The following MYO10 variants were observed in gnomAD, a reference collection of about 807,000 sequenced individuals.
MYO10 encodes unconventional myosin-X.
Under a neutral mutation model 257.3 loss-of-function variants are expected in MYO10, and 133 were observed. That is an observed-to-expected ratio of 0.52 (90% confidence interval 0.45 to 0.60). The LOEUF (loss-of-function observed/expected upper bound fraction) is 0.60, where lower values mean the gene tolerates loss of function less well. Ranked by LOEUF, MYO10 falls within the 20% of genes least tolerant of loss-of-function variation. MYO10 has a pLI of 0.00. For synonymous variants in MYO10, 1,104 were observed against 1,028.6 expected, an observed-to-expected ratio of 1.07 and a Z score of -1.40; for missense variants, 2,399 against 2,635.7, an observed-to-expected ratio of 0.91 and a Z score of 1.97.
chr5:16,690,359 C>T (rs947244507), intron 27 of MYO10, among the ~76,000 whole-genome samples: 5 of 152,048 alleles, frequency 3.3e-5, no homozygotes, highest in African/African-American at 4.8e-5. Flanking sequence ...TTCTGGAACC[C>T]GTCACCAAAA....
chr5:16,881,106 AC>A (rs546703993), intron 1 of MYO10, among the ~76,000 whole-genome samples: 312 of 152,194 alleles, frequency 2.1e-3, no homozygotes, highest in Non-Finnish European at 3.5e-3. Flanking sequence ...CCAACCCAGA[AC>A]CCCTAGTCCA....
chr5:16,747,763 C>T (rs1740239938), intron 19 of MYO10, among the ~76,000 whole-genome samples: 1 of 151,280 alleles, frequency 6.6e-6, no homozygotes, highest in Non-Finnish European at 1.5e-5. Flanking sequence ...ACTAAAAATA[C>T]AAAAAATTAG....
chr5:16,682,046 C>T lies in MYO10; in HGVS notation c.4047-33G>A, dbSNP rs745651418. On this transcript the variant is annotated intron_variant, in intron 30 of 40. Coordinates refer to ENST00000513610, the MANE Select transcript of MYO10 (RefSeq NM_012334.3). ...ACAAGATGAGAAGGAAACAAAGCCC[C>T]TTAGCCCTACCGTCAGCATCACCTC... The T allele has an allele frequency of 6.2e-6, 10 of 1,604,318 alleles. No individual in the cohort carries two copies. The East Asian group carries it at 2.0e-4, about 32-fold the overall frequency.
At chr5:16,891,329 AAGGAAGGAAGGAAGGAAG>A in intron 1 of MYO10, among the ~76,000 whole-genome samples, 1 of 31,426 alleles carries the variant, frequency 3.2e-5, no homozygotes, top group African/African-American at 1.7e-4. Flanking sequence ...AAAAGGAAGG[AAGGAAGGAAGGAAGGAAG>A]GAAGGAAGGA....
At position 16,836,878 on chromosome 5, in the gene MYO10, C is replaced by T. The variant is rs56754753; in HGVS notation, c.121-18711G>A. On this transcript the variant is annotated intron_variant, in intron 2 of 40. Transcript: ENST00000513610. ...AGAAAAATAAAAACGTATGTCCACA[C>T]GAAAAGGTTACCATGAATGTTCGTA... 8.5e-3 allele frequency among the ~76,000 whole-genome samples: 1,289 copies of T among 152,154 alleles called. 16 individuals are homozygous for T. Among genetic ancestry groups the T allele is most frequent in the African/African-American group, 0.026 (1,081 of 41,512 alleles).
chr5:16,687,682 C>T (rs1737313483), intron 28 of MYO10, among the ~76,000 whole-genome samples: 1 of 151,934 alleles, frequency 6.6e-6, no homozygotes, highest in Non-Finnish European at 1.5e-5. Flanking sequence ...AAAAATGTGA[C>T]TACAAGCTTG....
At chr5:16,679,893 G>A (rs1736907235) in intron 33 of MYO10, 54 bp downstream of exon 33, 3 of 1,582,792 alleles carry the variant, frequency 1.9e-6, no homozygotes, top group Non-Finnish European at 2.6e-6. Flanking sequence ...GGTGCTCTAA[G>A]GGTAGAATCT....
chr5:16,817,714 A>G (rs2126704138), intron 3 of MYO10, among the ~76,000 whole-genome samples: 1 of 152,328 alleles, frequency 6.6e-6, no homozygotes, highest in East Asian at 1.9e-4. Context: ...TTTCCGTGGC[A>G]GAACACTTAG....
At chr5:16,689,954 G>A in intron 27 of MYO10, 35 bp from the exon 28 acceptor site, 1 of 1,458,214 alleles carries the variant, frequency 6.9e-7, no homozygotes, top group Non-Finnish European at 9.6e-7. Flanking sequence ...CGCACATCAG[G>A]AACACCAAAT....
intron 27 of MYO10, among the ~76,000 whole-genome samples, chr5:16,690,344 G>A (rs956478958): frequency 6.6e-6 from 1 of 152,152 alleles, no homozygotes. Context: ...GGAGTGGGGT[G>A]GTGGTTCTGG....
In MYO10 at chr5:16,768,705, C is replaced by T. The variant is rs1740955675; in HGVS notation, c.1060+369G>A. Among the ~76,000 whole-genome samples, 3 of 112,784 alleles carry T rather than the reference C, an allele frequency of 2.7e-5. No homozygotes were observed. The Admixed American group carries it at 3.6e-4, about 13-fold the overall frequency. The allele number at this position is 112,784 out of a possible 152,430, so 74.0% of individuals were successfully genotyped here. A position where few individuals can be genotyped will look rare whatever the true frequency, so the allele number is the denominator to read the frequency against. On this transcript the variant is annotated intron_variant, in intron 10 of 40. Coordinates refer to ENST00000513610, the MANE Select transcript of MYO10 (RefSeq NM_012334.3). ...TTTTTTTTTTGGTGATACAAGATCT[C>T]ACTCTGTTGCCCAGACTGGAGTGCA... is the stretch of plus-strand genomic sequence containing the variant.
At chr5:16,880,190 A>G (rs896670407) in intron 1 of MYO10, among the ~76,000 whole-genome samples, 2 of 152,028 alleles carry the variant, frequency 1.3e-5, no homozygotes, top group Non-Finnish European at 2.9e-5. Context: ...AAAAATAAAT[A>G]AATAAGTAAA....
chr5:16,697,271 G>GA (rs551784592), intron 26 of MYO10, among the ~76,000 whole-genome samples: 189 of 151,934 alleles, frequency 1.2e-3, no homozygotes, highest in African/African-American at 4.1e-3. Context: ...AGCAAAAAAG[G>GA]AATCCAGCAA....
In MYO10 at chr5:16,670,888, C is replaced by A; in HGVS notation, c.5521G>T (p.Asp1841Tyr). 2 of 1,613,886 alleles carry A rather than the reference C, an allele frequency of 1.2e-6. No homozygotes were observed. Among genetic ancestry groups the A allele is most frequent in the Non-Finnish European group, 1.7e-6 (2 of 1,179,840 alleles). The change falls in exon 39 of 41, where the codon GAT (aspartate) becomes TAT (tyrosine). Residue 1841 changes from aspartate to tyrosine, a missense_variant. Physicochemically the swap from Asp to Tyr is radical, Grantham distance 160. This residue lies in a region of MYO10 where 1,820 missense variants were observed against 1,939.4 expected (regional missense o/e 0.94). Transcript: ENST00000513610. ...GGGATGGCAGCGTGCAGAGTATAAT[C>A]CCCCTGCAGATACTGGAGTCGCAGG... ...AALRLQYLQGDYTLHAAIPPL... is the reference protein window; with the variant it reads ...AALRLQYLQGYYTLHAAIPPL...
intron 2 of MYO10, among the ~76,000 whole-genome samples, chr5:16,818,410 G>GTGTGTGTGTGTATATATATATATA (rs1553999544): frequency 1.1e-5 from 1 of 90,302 alleles, no homozygotes; most frequent in Non-Finnish European, 2.3e-5. Flanking sequence ...GTGTGTGTGT[G>GTGTGTGTGTGTATATATATATATA]TATATATATA....
chr5:16,766,875 T>G (rs1740887233), intron 10 of MYO10, among the ~76,000 whole-genome samples: 1 of 151,032 alleles, frequency 6.6e-6, no homozygotes, highest in Non-Finnish European at 1.5e-5. Context: ...GTTCAGATGA[T>G]TCTCCTGCCT....
intron 1 of MYO10, among the ~76,000 whole-genome samples, chr5:16,900,865 G>C (rs546000834): frequency 1.3e-5 from 2 of 150,566 alleles, no homozygotes; most frequent in African/African-American, 4.9e-5. Context: ...TCAGCCTCCC[G>C]AGTAGCTGGG....
intron 26 of MYO10, among the ~76,000 whole-genome samples, chr5:16,695,104 C>T (rs901547123): frequency 7.2e-5 from 11 of 152,192 alleles, no homozygotes; most frequent in South Asian, 4.1e-4. Flanking sequence ...GAGGCCGAGG[C>T]GGGTGGATCA....
intron 27 of MYO10, among the ~76,000 whole-genome samples, 187 bp from the exon 28 acceptor site, chr5:16,690,106 A>G (rs1737431252): frequency 6.6e-6 from 1 of 152,206 alleles, no homozygotes; most frequent in African/African-American, 2.4e-5. Flanking sequence ...TTCAACCAGC[A>G]GCAGATCAAA....
Sources: gnomAD v4.1 joint callset for allele counts (sites outside exome capture counted in the v4.1 genomes callset) on GRCh38, gnomAD v4.1.1 for gene constraint, gnomAD v4.1.1 regional missense constraint, MANE v1.5 for transcripts, NCBI Gene and HGNC (gene_info 2026-07-23, HGNC 2026-07-21) for gene names.